The following PCDH7 variants were observed in gnomAD, a reference collection of about 807,000 sequenced individuals.
PCDH7 encodes the protein protocadherin 7.
In PCDH7, 17 loss-of-function variants were observed where a neutral mutation model predicts 58.9. The observed-to-expected ratio is 0.29, with a 90% CI of 0.20 to 0.43. The LOEUF is 0.43. Ranked by LOEUF, PCDH7 falls within the 20% of genes least tolerant of loss-of-function variation. PCDH7 has a pLI of 1.00. For missense variants in PCDH7, 1,274 were observed against 1,441.0 expected (o/e 0.88, Z 1.88); for synonymous variants, 664 against 616.4 (o/e 1.08, Z -1.14).
chr4:30,966,832 A>G (rs1253671378), intron 3 of PCDH7, among the ~76,000 whole-genome samples: 2 of 152,168 alleles, frequency 1.3e-5, no homozygotes, highest in Non-Finnish European at 2.9e-5. Flanking sequence ...GGTTTAAAGG[A>G]CAAAATCCTA....
At chr4:31,096,361 G>T (rs1050052637) in intron 3 of PCDH7, among the ~76,000 whole-genome samples, 1 of 152,102 alleles carries the variant, frequency 6.6e-6, no homozygotes, top group African/African-American at 2.4e-5. Context: ...AGAAAGTTGG[G>T]TCACTGGATC....
intron 1 of PCDH7, chr4:30,725,315 T>C (rs1245233077): frequency 1.0e-6 from 1 of 988,790 alleles, no homozygotes; most frequent in African/African-American, 1.8e-5. Flanking sequence ...CAAACAAAAA[T>C]ACATTGCATG....
downstream of PCDH7, chr4:31,143,817 T>C (rs995161346): frequency 6.6e-6 from 1 of 152,198 alleles, no homozygotes. Flanking sequence ...GTTCATTTTA[T>C]AGTGCCCAGG....
At chr4:30,883,440 C>T (rs1030347388) in intron 1 of PCDH7, among the ~76,000 whole-genome samples, 19 of 152,116 alleles carry the variant, frequency 1.2e-4, no homozygotes, top group Non-Finnish European at 1.3e-4. Flanking sequence ...TTCAGTGAAT[C>T]AGTATGTATT....
At chr4:31,080,280 G>GT (rs34678462) in intron 3 of PCDH7, among the ~76,000 whole-genome samples, 25 of 150,778 alleles carry the variant, frequency 1.7e-4, no homozygotes, top group Non-Finnish European at 2.4e-4. Flanking sequence ...TGTTTAGAAA[G>GT]TTTTTTTTTT....
In PCDH7 at chr4:30,968,395, T is replaced by A. The variant is rs1749235798; in HGVS notation, c.*7+18180T>A. On this transcript the variant is annotated intron_variant, in intron 3 of 3. Transcript: ENST00000509759. ...CACACACTATATATATATATATATA[T>A]ATATATATATATATATATATGGGAT... Among the ~76,000 whole-genome samples the A allele has an allele frequency of 5.0e-5, 3 of 60,346 alleles. No individual in the cohort carries two copies. In the South Asian group the frequency reaches 1.7e-3, roughly 35 times the overall value. 39.6% of individuals were successfully genotyped at this position (60,346 alleles called of 152,430 possible).
intron 2 of PCDH7, among the ~76,000 whole-genome samples, chr4:30,922,801 T>C (rs1312084771): frequency 6.6e-6 from 1 of 152,110 alleles, no homozygotes; most frequent in African/African-American, 2.4e-5. Flanking sequence ...CCTTGATCTA[T>C]AGGTAATGAC....
intron 1 of PCDH7, among the ~76,000 whole-genome samples, chr4:30,914,041 C>T (rs1464300270): frequency 6.6e-6 from 1 of 152,152 alleles, no homozygotes; most frequent in Admixed American, 6.5e-5. Flanking sequence ...GAAAAGGCCA[C>T]CATGTTCAGG....
intron 1 of PCDH7, among the ~76,000 whole-genome samples, chr4:30,849,079 T>A (rs1357253681): frequency 6.6e-6 from 1 of 152,090 alleles, no homozygotes; most frequent in Non-Finnish European, 1.5e-5. Context: ...CACATTCACT[T>A]ATTTGTGGTT....
chr4:30,967,645 G>A (rs531571032), intron 3 of PCDH7, among the ~76,000 whole-genome samples: 46 of 152,048 alleles, frequency 3.0e-4, no homozygotes, highest in African/African-American at 9.2e-4. Context: ...TTCTTCTCTC[G>A]CTCCCATGAA....
chr4:30,897,194 G>A (rs576500808), intron 1 of PCDH7, among the ~76,000 whole-genome samples: 29 of 152,008 alleles, frequency 1.9e-4, no homozygotes, highest in African/African-American at 5.5e-4. Flanking sequence ...GTGAGCCACC[G>A]CGCCCGGCCT....
chr4:31,084,511 A>C (rs2109274446), intron 3 of PCDH7, among the ~76,000 whole-genome samples: 1 of 151,502 alleles, frequency 6.6e-6, no homozygotes, highest in Admixed American at 6.6e-5. Flanking sequence ...AAAGAGGTTT[A>C]ATTGGCTCAT....
chr4:31,010,809 G>A (rs1306699449), intron 3 of PCDH7, among the ~76,000 whole-genome samples: 1 of 151,576 alleles, frequency 6.6e-6, no homozygotes, highest in Non-Finnish European at 1.5e-5. Flanking sequence ...GAAGAAAAAA[G>A]GTCTCAAAAA....
chr4:30,781,673 T>A (rs11727285), intron 1 of PCDH7, among the ~76,000 whole-genome samples: 84,617 of 151,364 alleles, frequency 0.56, 24,784 homozygotes, highest in African/African-American at 0.74. Flanking sequence ...AGTAGCTGGG[T>A]TTACAGGCAT....
chr4:30,983,508 G>T (rs1750734638), intron 3 of PCDH7, among the ~76,000 whole-genome samples: 2 of 152,080 alleles, frequency 1.3e-5, no homozygotes, highest in African/African-American at 2.4e-5. Context: ...GAATTTCAAA[G>T]AAAAAGCTAT....
chr4:30,855,499 T>C (rs1560438873), intron 1 of PCDH7, among the ~76,000 whole-genome samples: 1 of 152,148 alleles, frequency 6.6e-6, no homozygotes, highest in Non-Finnish European at 1.5e-5. Flanking sequence ...GAAATCACTT[T>C]TATTGGACGT....
chr4:31,127,404 G>A (rs936819197), intron 3 of PCDH7, among the ~76,000 whole-genome samples: 6 of 152,058 alleles, frequency 3.9e-5, no homozygotes, highest in Non-Finnish European at 5.9e-5. Flanking sequence ...TAATACTTAG[G>A]CATTAGACCA....
chr4:30,787,661 T>C (rs1723591478), intron 1 of PCDH7, among the ~76,000 whole-genome samples: 1 of 152,076 alleles, frequency 6.6e-6, no homozygotes, highest in Admixed American at 6.6e-5. Flanking sequence ...TTTAAATTTA[T>C]TGAGGATGAA....
intron 1 of PCDH7, among the ~76,000 whole-genome samples, chr4:30,894,596 C>CATATAT (rs576995805): frequency 5.0e-4 from 62 of 124,128 alleles, no homozygotes; most frequent in Middle Eastern, 4.3e-3. Flanking sequence ...CACACACACA[C>CATATAT]ATATATATAT....
Sources: allele counts gnomAD v4.1 joint callset (sites outside exome capture counted in the v4.1 genomes callset), GRCh38; gene constraint gnomAD v4.1.1; transcripts MANE v1.5; gene names NCBI Gene and HGNC (gene_info 2026-07-23, HGNC 2026-07-21).